HTATIP2: variants seen among roughly 807,000 people sequenced by gnomAD.
The protein encoded by HTATIP2 is protein HTATIP2.
In HTATIP2, 26 loss-of-function variants were observed where a neutral mutation model predicts 24.7. The observed-to-expected ratio is 1.05, with a 90% CI of 0.77 to 1.46. The LOEUF (loss-of-function observed/expected upper bound fraction) is 1.46, where lower values mean the gene tolerates loss of function less well. Ranked by LOEUF, HTATIP2 falls within the 40% of genes most tolerant of loss-of-function variation. HTATIP2 has a pLI of 0.00. For missense variants in HTATIP2, 284 were observed against 289.6 expected, an observed-to-expected ratio of 0.98 and a Z score of 0.14; for synonymous variants, 99 against 113.2, an observed-to-expected ratio of 0.87 and a Z score of 0.79.
At chr11:20,367,911 G>C (rs574658365) in intron 2 of HTATIP2, among the ~76,000 whole-genome samples, 3 of 152,282 alleles carry the variant, frequency 2.0e-5, no homozygotes, top group Non-Finnish European at 2.9e-5. Context: ...TACATAGTTA[G>C]AAATCAGAGT....
rs369625277 is a variant in HTATIP2 at position 20,364,242 on chromosome 11, C to T, written c.5C>T (p.Ala2Val). ...TGTCGATGTTATTTCCCCAGCATGG[C>T]CGAAACAGAAGCCCTGTCGAAGCTT... is the stretch of plus-strand genomic sequence containing the variant. M[A>V]ETEALSKLRE... Residue 2 changes from alanine to valine, a missense_variant, in exon 1 of 5, where the codon GCC becomes GTC. Transcript: ENST00000451739. 2.5e-6 allele frequency: 4 copies of T among 1,598,920 alleles called. No homozygotes were observed. Among genetic ancestry groups the T allele is most frequent in the Non-Finnish European group, 3.4e-6 (4 of 1,169,154 alleles).
chr11:20,375,300 G>A (rs549457593), intron 2 of HTATIP2, among the ~76,000 whole-genome samples: 10 of 152,072 alleles, frequency 6.6e-5, no homozygotes, highest in South Asian at 2.1e-4. Flanking sequence ...GGCCGGGCGC[G>A]GTGGCTCACA....
At chr11:20,379,200 C>T (rs903535633) in intron 3 of HTATIP2, among the ~76,000 whole-genome samples, 1 of 152,140 alleles carries the variant, frequency 6.6e-6, no homozygotes, top group African/African-American at 2.4e-5. Flanking sequence ...AAAAGGGACC[C>T]AGCAGAGATT....
chr11:20,382,879 T>G, intron 4 of HTATIP2, 101 bp from the exon 5 acceptor site: 1 of 775,228 alleles, frequency 1.3e-6, no homozygotes, highest in Non-Finnish European at 2.1e-6. Context: ...CATTAGAATA[T>G]TGAGGGGATA....
intron 1 of HTATIP2, among the ~76,000 whole-genome samples, chr11:20,366,958 C>T (rs112350174): frequency 2.6e-5 from 4 of 152,302 alleles, no homozygotes; most frequent in African/African-American, 7.2e-5. Context: ...TGGATCACCC[C>T]TAGTCCAGTT....
At chr11:20,369,601 C>T (rs1176626932) in intron 2 of HTATIP2, among the ~76,000 whole-genome samples, 1 of 152,182 alleles carries the variant, frequency 6.6e-6, no homozygotes, top group Non-Finnish European at 1.5e-5. Flanking sequence ...TTTCCAGGCC[C>T]TCTCCTTGTC....
chr11:20,368,032 T>C (rs544820256), intron 2 of HTATIP2, among the ~76,000 whole-genome samples: 9 of 152,250 alleles, frequency 5.9e-5, no homozygotes, highest in Admixed American at 2.0e-4. Context: ...TGAAAAAACC[T>C]GCATGTTCTG....
chr11:20,363,864 C>T lies in HTATIP2; in HGVS notation c.-374C>T, dbSNP rs2064661361. On this transcript the variant is annotated 5_prime_UTR_variant, in exon 1 of 5. Transcript: ENST00000451739. ...GCGGCGGCGGCTGCTCTGGCGGCCG[C>T]CCTGCTCCTGCTGCGTCGTGAGGAC... 3.2e-6 allele frequency: 4 copies of T among 1,245,014 alleles called. No individual in the cohort carries two copies. Among genetic ancestry groups the T allele is most frequent in the Non-Finnish European group, 4.0e-6 (4 of 991,424 alleles). 77.1% of individuals were successfully genotyped at this position (1,245,014 alleles called of 1,614,324 possible).
intron 3 of HTATIP2, 113 bp downstream of exon 3, chr11:20,376,830 C>G (rs1848454329): frequency 1.4e-6 from 1 of 720,198 alleles, no homozygotes; most frequent in Non-Finnish European, 2.2e-6. Flanking sequence ...TCATATTATG[C>G]ATTTGTATGG....
chr11:20,370,420 C>G (rs561827681), intron 2 of HTATIP2, among the ~76,000 whole-genome samples: 42 of 152,294 alleles, frequency 2.8e-4, no homozygotes, highest in African/African-American at 9.9e-4. Flanking sequence ...TCATTTGTTT[C>G]CTCACCTGGT....
At chr11:20,371,615 T>G (rs2133269515) in intron 2 of HTATIP2, among the ~76,000 whole-genome samples, 1 of 151,938 alleles carries the variant, frequency 6.6e-6, no homozygotes, top group Middle Eastern at 3.4e-3. Flanking sequence ...TATTTTTTTT[T>G]GTAGAGACAG....
At chr11:20,365,058 A>C (rs1205271244) in intron 1 of HTATIP2, among the ~76,000 whole-genome samples, 1 of 147,940 alleles carries the variant, frequency 6.8e-6, no homozygotes, top group East Asian at 2.0e-4. Context: ...ATCTCGGCTC[A>C]GTGCAACCTC....
At chr11:20,380,064 A>G (rs1194319570) in intron 3 of HTATIP2, among the ~76,000 whole-genome samples, 2 of 152,240 alleles carry the variant, frequency 1.3e-5, no homozygotes, top group Non-Finnish European at 2.9e-5. Flanking sequence ...TTTCTGCCAG[A>G]GAAACTCATC....
Position 20,367,158 on chromosome 11 carries a change from C to T in HTATIP2, c.196-16C>T, listed in dbSNP as rs1018954432. The T allele has an allele frequency of 7.4e-6, 12 of 1,613,598 alleles. No homozygotes were observed. The highest frequency in any genetic ancestry group is 1.0e-5 in the Non-Finnish European group (12 of 1,179,878). On this transcript the variant is annotated splice_polypyrimidine_tract_variant and intron_variant, in intron 1 of 4. Transcript: ENST00000451739. ...TTAAATAACATGAAACTACATACAA[C>T]TGTGTCCTTGCCTAGAATCAAGAAG...
chr11:20,374,325 C>T (rs989167873), intron 2 of HTATIP2, among the ~76,000 whole-genome samples: 2 of 152,202 alleles, frequency 1.3e-5, no homozygotes, highest in Admixed American at 1.3e-4. Flanking sequence ...TTTCCTATTG[C>T]TGCTTTAATA....
In HTATIP2 at chr11:20,383,269, G is replaced by A. The variant is rs895159200; in HGVS notation, c.*64G>A. The A allele has an allele frequency of 3.3e-5, 42 of 1,271,646 alleles. No individual in the cohort carries two copies. Among genetic ancestry groups the A allele is most frequent in the Non-Finnish European group, 4.3e-5 (39 of 906,878 alleles). The allele number at this position is 1,271,646 out of a possible 1,614,324, so 78.8% of individuals were successfully genotyped here. A position where few individuals can be genotyped will look rare whatever the true frequency, so the allele number is the denominator to read the frequency against. On this transcript the variant is annotated 3_prime_UTR_variant, in exon 5 of 5. Transcript: ENST00000451739. ...CCCATCACCAAATCGGTAATTTCAG[G>A]GTCTAAAAAAAGTCAGCATGTTTTA...
At chr11:20,377,687 G>A (rs895767754) in intron 3 of HTATIP2, among the ~76,000 whole-genome samples, 8 of 152,174 alleles carry the variant, frequency 5.3e-5, no homozygotes, top group Non-Finnish European at 4.4e-5. Context: ...GCACTACAGA[G>A]ATTACTATCT....
chr11:20,365,182 T>G (rs1470863659), intron 1 of HTATIP2, among the ~76,000 whole-genome samples: 1 of 151,968 alleles, frequency 6.6e-6, no homozygotes, highest in Non-Finnish European at 1.5e-5. Flanking sequence ...CGAGACAAGG[T>G]TTCACCATGT....
At position 20,375,218 on chromosome 11, in the gene HTATIP2, C is replaced by T. The variant is rs957082489; in HGVS notation, c.304-1362C>T. Among the ~76,000 whole-genome samples, 4 of 151,912 alleles carry T rather than the reference C, an allele frequency of 2.6e-5. No individual in the cohort carries two copies. In the East Asian group the frequency reaches 5.8e-4, roughly 22 times the overall value. On this transcript the variant is annotated intron_variant, in intron 2 of 4. Transcript: ENST00000451739. ...CTAACATTCTGTGAAAGATACACATCGCCCTACCAAATAGAACATTTAGAA... is the reference window on the plus strand; with the variant it reads ...CTAACATTCTGTGAAAGATACACATTGCCCTACCAAATAGAACATTTAGAA...
Sources: gnomAD v4.1 joint callset for allele counts (sites outside exome capture counted in the v4.1 genomes callset) on GRCh38, gnomAD v4.1.1 for gene constraint, MANE v1.5 for transcripts, NCBI Gene and HGNC (gene_info 2026-07-23, HGNC 2026-07-21) for gene names.